ZCCHC2: variants seen among roughly 807,000 people sequenced by gnomAD.
ZCCHC2 encodes zinc finger CCHC domain-containing protein 2.
In ZCCHC2, 39 loss-of-function variants were observed where a neutral mutation model predicts 103.6. The observed-to-expected ratio is 0.38, with a 90% CI of 0.29 to 0.49. ZCCHC2 has a LOEUF of 0.49. ZCCHC2 is among the 20% of genes least tolerant of loss of function. The probability of loss-of-function intolerance (pLI) is 0.96; values close to 1 mark genes in which losing one functional copy is unlikely to be tolerated. For synonymous variants in ZCCHC2, 687 were observed against 608.9 expected (o/e 1.13, Z -1.89); for missense variants, 1,483 against 1,491.0 (o/e 0.99, Z 0.09).
chr18:62,570,958 CT>C (rs1568557213), intron 12 of ZCCHC2, among the ~76,000 whole-genome samples: 1 of 152,152 alleles, frequency 6.6e-6, no homozygotes, highest in Non-Finnish European at 1.5e-5. Context: ...TCAGGTCTGC[CT>C]TGGAAAGGTA....
intron 3 of ZCCHC2, among the ~76,000 whole-genome samples, chr18:62,544,275 A>G (rs1915319748): frequency 6.6e-6 from 1 of 152,218 alleles, no homozygotes; most frequent in Admixed American, 6.5e-5. Flanking sequence ...GGAAGTCATC[A>G]TACCTGGCCC....
rs1447032099 is a variant in ZCCHC2 at position 62,548,248 on chromosome 18, G to GTA, written c.1201-2086_1201-2085dup. Among the ~76,000 whole-genome samples, 1,510 of 151,372 alleles carry GTA rather than the reference G, an allele frequency of 1.0e-2. 29 individuals carry two copies. The highest frequency in any genetic ancestry group is 0.033 in the African/African-American group (1,373 of 41,272). ...AATATAAAAGACATGATTTAAAACT[G>GTA]TATATATATATATATTTTTTTTAGC... On this transcript the variant is annotated intron_variant, in intron 4 of 13. Transcript: ENST00000269499.
At chr18:62,561,076 A>G (rs574338343) in intron 8 of ZCCHC2, among the ~76,000 whole-genome samples, 3 of 152,316 alleles carry the variant, frequency 2.0e-5, no homozygotes, top group Admixed American at 1.3e-4. Flanking sequence ...TTTAAATTCC[A>G]TGAAACCTCT....
downstream of ZCCHC2, among the ~76,000 whole-genome samples, chr18:62,580,366 T>C (rs1285948930): frequency 6.6e-6 from 1 of 152,246 alleles, no homozygotes; most frequent in Non-Finnish European, 1.5e-5. Context: ...GGCGGCAAGC[T>C]GGGAGTGCAG....
chr18:62,567,519 C>G (rs1362164872), intron 11 of ZCCHC2, among the ~76,000 whole-genome samples: 1 of 152,242 alleles, frequency 6.6e-6, no homozygotes, highest in Non-Finnish European at 1.5e-5. Context: ...CTCCTCTGTG[C>G]TGGCTCCTGC....
intron 1 of ZCCHC2, among the ~76,000 whole-genome samples, chr18:62,536,965 A>G (rs539179661): frequency 1.1e-3 from 161 of 152,280 alleles, no homozygotes; most frequent in Middle Eastern, 3.4e-3. Flanking sequence ...CAGTGTGATC[A>G]TTTCCATTTT....
exon 15 of ZCCHC2, chr18:62,586,235 A>G (rs978254486): frequency 6.6e-6 from 1 of 151,234 alleles, no homozygotes; most frequent in African/African-American, 2.4e-5. Flanking sequence ...ACTTTAAATG[A>G]TTTATTGGGT....
At chr18:62,575,949 A>G (rs1406600009) in intron 13 of ZCCHC2, among the ~76,000 whole-genome samples, 3 of 152,014 alleles carry the variant, frequency 2.0e-5, no homozygotes, top group African/African-American at 7.2e-5. Context: ...TTAGGTTTTG[A>G]GTAACTATTT....
chr18:62,553,531 A>G (rs543921453), intron 5 of ZCCHC2, among the ~76,000 whole-genome samples: 48 of 152,098 alleles, frequency 3.2e-4, no homozygotes, highest in Non-Finnish European at 6.2e-4. Context: ...GGCTCAAGCA[A>G]TCCTCTCCAG....
intron 5 of ZCCHC2, among the ~76,000 whole-genome samples, chr18:62,550,960 A>C (rs1020401811): frequency 6.6e-6 from 1 of 152,120 alleles, no homozygotes; most frequent in Non-Finnish European, 1.5e-5. Flanking sequence ...CGCTTAGATG[A>C]GATGATCTTG....
At chr18:62,575,620 A>T (rs902269557) in intron 13 of ZCCHC2, 70 bp downstream of exon 13, 1 of 1,511,312 alleles carries the variant, frequency 6.6e-7, no homozygotes, top group African/African-American at 1.4e-5. Flanking sequence ...CTTATTGATC[A>T]TGGGATTCTG....
chr18:62,559,376 C>T (rs1916024517), intron 7 of ZCCHC2, among the ~76,000 whole-genome samples: 1 of 152,144 alleles, frequency 6.6e-6, no homozygotes, highest in Non-Finnish European at 1.5e-5. Flanking sequence ...GATGAGGAAA[C>T]CTGAACAGCT....
At chr18:62,548,131 A>G (rs1051301843) in intron 4 of ZCCHC2, among the ~76,000 whole-genome samples, 20 of 152,176 alleles carry the variant, frequency 1.3e-4, no homozygotes, top group African/African-American at 3.9e-4. Context: ...CCTCTGAACT[A>G]GTTCTGAGGC....
intron 1 of ZCCHC2, chr18:62,539,479 A>G (rs1568541855): frequency 1.1e-5 from 5 of 469,290 alleles, no homozygotes; most frequent in Non-Finnish European, 1.6e-5. Flanking sequence ...CAAGAAAGCT[A>G]GGACAGTCAA....
chr18:62,524,882 C>T (rs1914293447), intron 1 of ZCCHC2: 1 of 156,324 alleles, frequency 6.4e-6, no homozygotes, highest in South Asian at 2.0e-4. Context: ...CGGCGAGCTG[C>T]CCTTGTCTTT....
At chr18:62,538,446 A>G (rs1359669920) in intron 1 of ZCCHC2, among the ~76,000 whole-genome samples, 1 of 152,080 alleles carries the variant, frequency 6.6e-6, no homozygotes, top group Non-Finnish European at 1.5e-5. Context: ...TTTTTTAATA[A>G]AATATATGGT....
intron 11 of ZCCHC2, among the ~76,000 whole-genome samples, chr18:62,567,050 T>C (rs1052555559): frequency 6.6e-6 from 1 of 152,254 alleles, no homozygotes; most frequent in Admixed American, 6.5e-5. Context: ...TATTTTCTCC[T>C]CTATATCCGT....
chr18:62,539,907 A>T, intron 2 of ZCCHC2, 115 bp downstream of exon 2: 1 of 824,176 alleles, frequency 1.2e-6, no homozygotes, highest in Non-Finnish European at 1.9e-6. Context: ...GAGAAGTCCT[A>T]CTGGTCCTAG....
chr18:62,537,064 G>A (rs1388109869), intron 1 of ZCCHC2, among the ~76,000 whole-genome samples: 1 of 151,988 alleles, frequency 6.6e-6, no homozygotes, highest in Non-Finnish European at 1.5e-5. Flanking sequence ...GTACGTTCCC[G>A]TTGTCATGAG....
Sources: allele counts gnomAD v4.1 joint callset (sites outside exome capture counted in the v4.1 genomes callset), GRCh38; gene constraint gnomAD v4.1.1; transcripts MANE v1.5; gene names NCBI Gene and HGNC (gene_info 2026-07-23, HGNC 2026-07-21).